The following PCLO variants were observed in gnomAD, a reference collection of about 807,000 sequenced individuals.
The protein encoded by PCLO is protein piccolo.
A neutral mutation model predicts 427.5 loss-of-function variants in PCLO; 82 were observed. That is an observed-to-expected ratio of 0.19 (90% CI 0.16 to 0.23). PCLO has a LOEUF of 0.23. PCLO is among the 10% of genes least tolerant of loss of function. The probability of loss-of-function intolerance (pLI) is 1.00; values close to 1 mark genes in which losing one functional copy is unlikely to be tolerated. For synonymous variants in PCLO, 2,357 were observed against 2,155.4 expected, an observed-to-expected ratio of 1.09 and a Z score of -2.59; for missense variants, 6,239 against 6,115.9, an observed-to-expected ratio of 1.02 and a Z score of -0.67.
chr7:83,150,661 C>A (rs946564499), intron 2 of PCLO, among the ~76,000 whole-genome samples: 1 of 151,964 alleles, frequency 6.6e-6, no homozygotes, highest in Non-Finnish European at 1.5e-5. Context: ...ATTACAGAGC[C>A]ATGATGGTCA....
At chr7:82,929,976 T>C (rs1794801965) in intron 6 of PCLO, among the ~76,000 whole-genome samples, 2 of 152,168 alleles carry the variant, frequency 1.3e-5, no homozygotes, top group South Asian at 2.1e-4. Context: ...GCTTCTACCT[T>C]CATGCAGCTT....
chr7:82,965,944 G>C lies in PCLO; in HGVS notation c.3844C>G (p.Pro1282Ala), dbSNP rs747587204. The C allele has an allele frequency of 3.7e-6, 6 of 1,613,734 alleles. No individual in the cohort carries two copies. The East Asian group carries it at 1.1e-4, about 30-fold the overall frequency. Reference sequence around the variant, plus strand: ...TGTTTCCCTTCTTGCACTGTCTTTGGAGCCACTCTGCCTTCAAGCTTTTCT... The same window carrying C: ...TGTTTCCCTTCTTGCACTGTCTTTGCAGCCACTCTGCCTTCAAGCTTTTCT... The part of the protein sequence containing the change: ...AEEKLEGRVA[P>A]KTVQEGKQPQ... The change falls in exon 4 of 25, where the codon CCA becomes GCA. Residue 1282 changes from proline to alanine, a missense_variant. This residue lies in a region of PCLO where 4,677 missense variants were observed against 4,468.4 expected (regional missense o/e 1.05). Coordinates refer to ENST00000333891, the MANE Select transcript of PCLO (RefSeq NM_033026.6).
chr7:82,786,802 C>T (rs1246440290), intron 22 of PCLO, among the ~76,000 whole-genome samples: 2 of 152,028 alleles, frequency 1.3e-5, no homozygotes, highest in Non-Finnish European at 2.9e-5. Flanking sequence ...CATGTGTTCT[C>T]ATTGTTCATC....
intron 20 of PCLO, among the ~76,000 whole-genome samples, chr7:82,818,035 A>G (rs1246754393): frequency 6.6e-6 from 1 of 152,284 alleles, no homozygotes; most frequent in Middle Eastern, 3.4e-3. Flanking sequence ...CCAACAAATA[A>G]AAAATCTTTT....
intron 3 of PCLO, among the ~76,000 whole-genome samples, chr7:83,001,523 C>CACACACACACAT (rs1463920114): frequency 2.6e-5 from 4 of 151,632 alleles, no homozygotes; most frequent in African/African-American, 7.3e-5. Context: ...CACACACACA[C>CACACACACACAT]ACACACAAAG....
intron 3 of PCLO, among the ~76,000 whole-genome samples, chr7:82,969,678 T>C (rs1795858180): frequency 6.6e-6 from 1 of 152,082 alleles, no homozygotes. Context: ...ATCTATTCTG[T>C]ATGTATCTAT....
At chr7:83,071,702 C>T (rs1366987595) in intron 3 of PCLO, among the ~76,000 whole-genome samples, 1 of 152,000 alleles carries the variant, frequency 6.6e-6, no homozygotes, top group Admixed American at 6.6e-5. Context: ...AGAAGCTTTC[C>T]GTGGGTGAGA....
chr7:82,811,856 A>G lies in PCLO; in HGVS notation c.14792-6027T>C, dbSNP rs188189189. Among the ~76,000 whole-genome samples, 5 of 151,574 alleles carry G rather than the reference A, an allele frequency of 3.3e-5. No homozygotes were observed. In the East Asian group the frequency reaches 9.7e-4, roughly 29 times the overall value. Reference sequence around the variant, plus strand: ...GTAAGTCGTTAGGCATGGAAGTTGAAGGAAGGATGTCATTGACAATTTCTT... The same window carrying G: ...GTAAGTCGTTAGGCATGGAAGTTGAGGGAAGGATGTCATTGACAATTTCTT... On this transcript the variant is annotated intron_variant, in intron 20 of 24. Transcript: ENST00000333891.
At chr7:83,027,390 C>T (rs1450955371) in intron 3 of PCLO, among the ~76,000 whole-genome samples, 3 of 152,076 alleles carry the variant, frequency 2.0e-5, no homozygotes. Context: ...CGTACACTCT[C>T]CCAAGACTAA....
chr7:82,757,611 G>A lies in PCLO; in HGVS notation c.*964C>T, dbSNP rs969228780. 2 of 151,794 alleles carry A rather than the reference G, an allele frequency of 1.3e-5. No homozygotes were observed. Among genetic ancestry groups the A allele is most frequent in the South Asian group, 2.1e-4 (1 of 4,826 alleles). 9.4% of individuals were successfully genotyped at this position (151,794 alleles called of 1,614,324 possible). A position where few individuals can be genotyped will look rare whatever the true frequency, so the allele number is the denominator to read the frequency against. Reference sequence around the variant, plus strand: ...AATTTTCTTTCTCTGTCAATGCATCGCTCAACAGAAAGGAAATGTGCAGGA... The same window carrying A: ...AATTTTCTTTCTCTGTCAATGCATCACTCAACAGAAAGGAAATGTGCAGGA... On this transcript the variant is annotated 3_prime_UTR_variant, in exon 25 of 25. Transcript: ENST00000333891.
In PCLO at chr7:82,953,100, G is replaced by C; in HGVS notation, c.7853C>G (p.Pro2618Arg). ...SPSKDLVSVE[P>R]VFSVVPPVTA... ...CACAGGAGGAACTACAGAAAACACAGGTTCAACAGAAACCAGATCTTTGGA... is the reference window on the plus strand; with the variant it reads ...CACAGGAGGAACTACAGAAAACACACGTTCAACAGAAACCAGATCTTTGGA... The change falls in exon 5 of 25, where the codon CCT (proline) becomes CGT (arginine). Residue 2618 changes from proline (P) to arginine (R), a missense_variant. Pro to Arg is a moderately radical substitution (Grantham distance 103, BLOSUM62 -2). Around this residue, in one of 5 missense-constraint regions of PCLO, gnomAD observed 4,677 missense variants for 4,468.4 expected, o/e 1.05. Transcript: ENST00000333891. The C allele has an allele frequency of 6.2e-7, 1 of 1,613,916 alleles. No individual in the cohort carries two copies. The highest frequency in any genetic ancestry group is 8.5e-7 in the Non-Finnish European group (1 of 1,179,852).
chr7:83,119,688 C>G (rs977378688), intron 3 of PCLO, among the ~76,000 whole-genome samples: 6 of 151,896 alleles, frequency 4.0e-5, no homozygotes, highest in Non-Finnish European at 8.8e-5. Flanking sequence ...ACTAAATGAA[C>G]TAAATATGGC....
In PCLO at chr7:82,862,432, C is replaced by T. The variant is rs191924454; in HGVS notation, c.13655-15185G>A. Among the ~76,000 whole-genome samples the T allele has an allele frequency of 2.6e-5, 4 of 151,700 alleles. No homozygotes were observed. In the East Asian group the frequency reaches 5.8e-4, roughly 22 times the overall value. On this transcript the variant is annotated intron_variant, in intron 10 of 24. Coordinates refer to ENST00000333891, the MANE Select transcript of PCLO (RefSeq NM_033026.6). ...TAAACATTGATTTATCATATGAACCCACAATCCTACTGCTGGGTATATATC... is the reference window on the plus strand; with the variant it reads ...TAAACATTGATTTATCATATGAACCTACAATCCTACTGCTGGGTATATATC...
chr7:82,792,346 T>C (rs1032293129), intron 22 of PCLO, among the ~76,000 whole-genome samples: 3 of 151,728 alleles, frequency 2.0e-5, no homozygotes, highest in Non-Finnish European at 4.4e-5. Context: ...TTTTTTTTTT[T>C]GACAAGGTCT....
intron 10 of PCLO, among the ~76,000 whole-genome samples, chr7:82,850,456 T>A (rs1468503202): frequency 6.6e-6 from 1 of 152,186 alleles, no homozygotes; most frequent in African/African-American, 2.4e-5. Flanking sequence ...AACTTAGTAT[T>A]AACATAAAAC....
In PCLO at chr7:82,755,315, CTTG is replaced by C. The variant is rs1331056158; in HGVS notation, c.*3257_*3259del. 19 of 152,118 alleles carry C rather than the reference CTTG, an allele frequency of 1.2e-4. No homozygotes were observed. Among genetic ancestry groups the C allele is most frequent in the African/African-American group, 4.6e-4 (19 of 41,528 alleles). 9.4% of individuals were successfully genotyped at this position (152,118 alleles called of 1,614,324 possible). ...GTAAAGATAACTGATGCCCCTTAGT[CTTG>C]ATATTTTAAACTGAAATATAAATAA... On this transcript the variant is annotated 3_prime_UTR_variant, in exon 25 of 25. Transcript: ENST00000333891.
intron 3 of PCLO, among the ~76,000 whole-genome samples, chr7:83,101,962 T>C (rs1790749316): frequency 6.6e-6 from 1 of 152,038 alleles, no homozygotes; most frequent in South Asian, 2.1e-4. Context: ...AAGAACAACA[T>C]GATTTTAATC....
intron 3 of PCLO, among the ~76,000 whole-genome samples, chr7:83,011,646 C>A (rs1017193770): frequency 1.4e-4 from 22 of 151,746 alleles, no homozygotes; most frequent in African/African-American, 5.3e-4. Context: ...AAAATATCAT[C>A]CAAATTTGGC....
intron 9 of PCLO, among the ~76,000 whole-genome samples, chr7:82,902,182 T>C (rs1794059324): frequency 1.3e-5 from 2 of 151,662 alleles, no homozygotes; most frequent in African/African-American, 4.9e-5. Context: ...AAGCCAAATG[T>C]CCAACAATGA....
Sources: allele counts gnomAD v4.1 joint callset (sites outside exome capture counted in the v4.1 genomes callset), GRCh38; gene constraint gnomAD v4.1.1; regional missense constraint gnomAD v4.1.1; transcripts MANE v1.5; gene names NCBI Gene and HGNC (gene_info 2026-07-23, HGNC 2026-07-21).